The following FIRRM variants were observed in gnomAD, a reference collection of about 807,000 sequenced individuals.
FIRRM encodes the protein FIGNL1 interacting regulator of recombination and mitosis.
chr1:169,852,095 A>AAATT, the FIRRM span: 1 of 971,458 alleles, frequency 1.0e-6, no homozygotes, highest in African/African-American at 1.6e-5. Context: ...GTTGCTTTTA[A>AAATT]AATTAAGAAG....
the FIRRM span, among the ~76,000 whole-genome samples, chr1:169,820,033 T>A: frequency 6.6e-6 from 1 of 152,230 alleles, no homozygotes; most frequent in South Asian, 2.1e-4. Flanking sequence ...AATTAAAACA[T>A]GAACCCCCAA....
chr1:169,802,261 A>G, the FIRRM span, among the ~76,000 whole-genome samples: 1 of 152,214 alleles, frequency 6.6e-6, no homozygotes, highest in Non-Finnish European at 1.5e-5. Context: ...AAATGACTGT[A>G]TGAATGTGGA....
chr1:169,793,149 T>A, the FIRRM span: 3 of 1,614,104 alleles, frequency 1.9e-6, no homozygotes, highest in African/African-American at 1.3e-5. Flanking sequence ...AATTTCACTT[T>A]GGCCTTTGTG....
chr1:169,792,800 G>T, the FIRRM span: 1 of 1,613,160 alleles, frequency 6.2e-7, no homozygotes, highest in East Asian at 2.2e-5. Flanking sequence ...ATAATAATCT[G>T]GGTTGTAAAT....
the FIRRM span, chr1:169,850,420 A>T: frequency 1.1e-5 from 11 of 961,054 alleles, no homozygotes; most frequent in South Asian, 7.5e-5. Flanking sequence ...ACTGTAACCA[A>T]CCTGAGTGTC....
At chr1:169,791,605 G>A in the FIRRM span, among the ~76,000 whole-genome samples, 1 of 152,192 alleles carries the variant, frequency 6.6e-6, no homozygotes, top group Non-Finnish European at 1.5e-5. Context: ...CATATGTAAA[G>A]CTCTTCTGCC....
chr1:169,802,772 A>T, the FIRRM span: 1 of 1,201,254 alleles, frequency 8.3e-7, no homozygotes, highest in Non-Finnish European at 1.2e-6. Context: ...AGCTTAAAGA[A>T]TGTCAAAATT....
the FIRRM span, chr1:169,832,579 T>G: frequency 1.0e-6 from 1 of 981,870 alleles, no homozygotes; most frequent in Non-Finnish European, 1.6e-6. Context: ...TTTGATAGCC[T>G]TTTTTTTTCC....
chr1:169,809,292 C>T, the FIRRM span, among the ~76,000 whole-genome samples: 10 of 152,254 alleles, frequency 6.6e-5, no homozygotes, highest in South Asian at 1.5e-3. Context: ...TCACTTCATT[C>T]GTGCATCCTT....
At chr1:169,840,633 C>G in the FIRRM span, among the ~76,000 whole-genome samples, 36 of 151,950 alleles carry the variant, frequency 2.4e-4, no homozygotes, top group African/African-American at 8.7e-4. Flanking sequence ...GCCTCAGCCT[C>G]CCGAGTAGCT....
At chr1:169,807,737 G>A in the FIRRM span, 5 of 1,478,378 alleles carry the variant, frequency 3.4e-6, no homozygotes, top group Admixed American at 5.2e-5. Context: ...GAGGTCCTAA[G>A]TTACTTGATG....
chr1:169,836,963 G>A, the FIRRM span: 1 of 1,611,366 alleles, frequency 6.2e-7, no homozygotes, highest in Non-Finnish European at 8.5e-7. Flanking sequence ...AAAAGAAGCA[G>A]AAAATCTGCC....
the FIRRM span, among the ~76,000 whole-genome samples, chr1:169,843,209 T>G: frequency 6.6e-6 from 1 of 152,242 alleles, no homozygotes; most frequent in Non-Finnish European, 1.5e-5. Flanking sequence ...CCTACTGCAG[T>G]GTTTTGGCTT....
chr1:169,812,694 TA>T, the FIRRM span, among the ~76,000 whole-genome samples: 16 of 151,950 alleles, frequency 1.1e-4, no homozygotes, highest in African/African-American at 2.4e-5. Flanking sequence ...CCGTCTCTAC[TA>T]AAAATACAAA....
At chr1:169,808,504 C>T in the FIRRM span, among the ~76,000 whole-genome samples, 1 of 152,002 alleles carries the variant, frequency 6.6e-6, no homozygotes, top group Non-Finnish European at 1.5e-5. Flanking sequence ...CACTGTTATA[C>T]ATAGTACCTT....
chr1:169,819,595 T>C, the FIRRM span, among the ~76,000 whole-genome samples: 11 of 152,314 alleles, frequency 7.2e-5, no homozygotes, highest in East Asian at 1.7e-3. Flanking sequence ...TGGTGCCCCC[T>C]CTGTTTTCCG....
chr1:169,815,035 C>T, the FIRRM span, among the ~76,000 whole-genome samples: 14 of 151,814 alleles, frequency 9.2e-5, no homozygotes, highest in South Asian at 8.3e-4. Context: ...CGGTGGCTCA[C>T]GCCTGTAATC....
At chr1:169,852,409 A>G in the FIRRM span, 1 of 269,322 alleles carries the variant, frequency 3.7e-6, no homozygotes, top group Non-Finnish European at 7.1e-6. Flanking sequence ...TAATTAGTAT[A>G]GTAGTAATTC....
At chr1:169,798,988 T>G in the FIRRM span, 3 of 957,560 alleles carry the variant, frequency 3.1e-6, no homozygotes, top group African/African-American at 5.0e-5. Flanking sequence ...CTGTATGATG[T>G]ACTTTGATGT....
Sources: gnomAD v4.1 joint callset for allele counts (sites outside exome capture counted in the v4.1 genomes callset) on GRCh38, gnomAD v4.1.1 for gene constraint, MANE v1.5 for transcripts, NCBI Gene and HGNC (gene_info 2026-07-23, HGNC 2026-07-21) for gene names.